TACC1: variants seen among roughly 807,000 people sequenced by gnomAD.
TACC1 encodes transforming acidic coiled-coil-containing protein 1.
TACC1 carries 48 observed loss-of-function variants against 84.4 expected under a neutral mutation model. The observed-to-expected ratio is 0.57, with a 90% CI of 0.45 to 0.72. The LOEUF is 0.72. TACC1 is among the 30% of genes least tolerant of loss of function. TACC1 has a pLI of 0.00. For missense variants in TACC1, 920 were observed against 973.0 expected (o/e 0.95, Z 0.72); for synonymous variants, 372 against 376.3 (o/e 0.99, Z 0.13).
intron 6 of TACC1, among the ~76,000 whole-genome samples, chr8:38,832,196 T>A (rs938928049): frequency 9.2e-5 from 14 of 152,208 alleles, no homozygotes; most frequent in African/African-American, 3.4e-4. Context: ...ATCAAAGTGG[T>A]TGTAAGGATA....
intron 4 of TACC1, among the ~76,000 whole-genome samples, chr8:38,826,772 T>C (rs982876677): frequency 1.3e-5 from 2 of 152,202 alleles, no homozygotes; most frequent in African/African-American, 4.8e-5. Flanking sequence ...ATTCCAGATA[T>C]TACATTCTTT....
chr8:38,783,092 ATCTATCTATCTATC>A (rs1270836813), upstream of TACC1, among the ~76,000 whole-genome samples: 21 of 113,118 alleles, frequency 1.9e-4, no homozygotes, highest in East Asian at 1.8e-3. Context: ...CTATCTATCT[ATCTATCTATCTATC>A]TATATATATA....
intron 3 of TACC1, among the ~76,000 whole-genome samples, chr8:38,770,771 C>A (rs1813450107): frequency 1.3e-5 from 2 of 152,060 alleles, no homozygotes. Flanking sequence ...GACTCCAGCG[C>A]CAGGAGTCTC....
At chr8:38,739,351 C>T (rs73676498) in intron 1 of TACC1, among the ~76,000 whole-genome samples, 66 of 152,324 alleles carry the variant, frequency 4.3e-4, no homozygotes, top group African/African-American at 1.6e-3. Flanking sequence ...GCCATTCATC[C>T]ACTCAATTGT....
chr8:38,790,560 G>T (rs927102160), intron 2 of TACC1, among the ~76,000 whole-genome samples: 1 of 152,148 alleles, frequency 6.6e-6, no homozygotes, highest in Non-Finnish European at 1.5e-5. Context: ...AAGTGGCAGC[G>T]CCAGCTTTCA....
At position 38,787,667 on chromosome 8, in the gene TACC1, G is replaced by T; in HGVS notation, c.85G>T (p.Glu29Ter). The change falls in exon 1 of 13, where the codon GAG becomes TAG. Residue 29 changes from glutamate to a stop codon, truncating the protein, a stop_gained. Transcript: ENST00000317827. LOFTEE classifies it high-confidence loss of function. ...TGCGGTACGCGGCGGGGCCGCCGGC[G>T]AGGACGAGGCTGGCGGGCCCGAGGG... The part of the protein sequence containing the change: ...WSAVRGGAAG[E>*]DEAGGPEGDP... 1 of 1,551,404 alleles carries T rather than the reference G, an allele frequency of 6.4e-7. No individual in the cohort carries two copies.
At chr8:38,731,709 T>C (rs1214530177) in intron 1 of TACC1, among the ~76,000 whole-genome samples, 2 of 151,536 alleles carry the variant, frequency 1.3e-5, no homozygotes, top group Non-Finnish European at 2.9e-5. Context: ...AGGGAAGAGC[T>C]TAGCTGTTCT....
intron 1 of TACC1, among the ~76,000 whole-genome samples, chr8:38,732,576 A>G (rs913557468): frequency 4.6e-5 from 7 of 152,200 alleles, no homozygotes; most frequent in Non-Finnish European, 7.4e-5. Flanking sequence ...GTAGAAGTAG[A>G]TGAGAAATAA....
intron 3 of TACC1, among the ~76,000 whole-genome samples, chr8:38,758,675 T>G: frequency 1.4e-5 from 1 of 71,132 alleles, no homozygotes; most frequent in Admixed American, 2.1e-4. Context: ...GGAGACTCCA[T>G]CTCAAAAAAA....
intron 3 of TACC1, among the ~76,000 whole-genome samples, chr8:38,822,294 A>AAGT (rs1827054673): frequency 6.6e-6 from 1 of 151,656 alleles, no homozygotes; most frequent in Non-Finnish European, 1.5e-5. Context: ...ACACAATGGT[A>AAGT]AGTATTTGTG....
At chr8:38,804,552 C>T (rs937873605) in intron 2 of TACC1, among the ~76,000 whole-genome samples, 9 of 152,296 alleles carry the variant, frequency 5.9e-5, no homozygotes, top group East Asian at 3.9e-4. Context: ...CCACCAACCT[C>T]GGCCTCCCAA....
intron 3 of TACC1, among the ~76,000 whole-genome samples, chr8:38,772,684 C>T (rs931835921): frequency 2.0e-5 from 3 of 151,970 alleles, no homozygotes; most frequent in Non-Finnish European, 4.4e-5. Flanking sequence ...TAAATACTCA[C>T]CTCTAGCAAA....
At chr8:38,748,987 A>G (rs1395216681) in intron 3 of TACC1, among the ~76,000 whole-genome samples, 1 of 152,160 alleles carries the variant, frequency 6.6e-6, no homozygotes, top group Admixed American at 6.5e-5. Flanking sequence ...GAGATAAAAA[A>G]ATCATTAAAA....
At chr8:38,789,130 A>G (rs1431271764) in intron 2 of TACC1, among the ~76,000 whole-genome samples, 1 of 152,228 alleles carries the variant, frequency 6.6e-6, no homozygotes, top group East Asian at 1.9e-4. Context: ...TGACTTCACA[A>G]ATTCCTCAGG....
At chr8:38,823,219 G>A (rs555036757) in intron 3 of TACC1, among the ~76,000 whole-genome samples, 1 of 152,294 alleles carries the variant, frequency 6.6e-6, no homozygotes, top group South Asian at 2.1e-4. Flanking sequence ...GCCCCGGAAT[G>A]GCTAAGGGGA....
chr8:38,827,345 A>G lies in TACC1; in HGVS notation c.1630A>G (p.Ile544Val), dbSNP rs1289702833. The stretch of plus-strand genomic sequence containing the variant: ...ATGTTCCAATGTTCCTGTGTCTACC[A>G]TAAATCATGCGTTTTCATCCTCAGA... ...FECSNVPVST[I>V]NHAFSSSEAG... The change falls in exon 5 of 13, where the codon ATA (isoleucine) becomes GTA (valine). Residue 544 changes from isoleucine to valine, a missense_variant. Ile to Val is a conservative substitution (Grantham distance 29). Around this residue, in one of 2 missense-constraint regions of TACC1, gnomAD observed 762 missense variants for 747.3 expected, o/e 1.02. Coordinates refer to ENST00000317827, the MANE Select transcript of TACC1 (RefSeq NM_006283.3). 6.2e-7 allele frequency: 1 copy of G among 1,614,106 alleles called. No homozygotes were observed. Among genetic ancestry groups the G allele is most frequent in the Admixed American group, 1.7e-5 (1 of 59,992 alleles).
rs139423562 is a variant in TACC1, at chr8:38,843,299, C to G, written c.2132C>G (p.Ala711Gly). Residue 711 changes from alanine (A) to glycine (G), a missense_variant, in exon 11 of 13, where the codon GCC (alanine) becomes GGC (glycine). Transcript: ENST00000317827. ...VLEGFKKNEE[A>G]LKKCAQDYLA... Reference sequence around the variant, plus strand: ...TTTGCTTTGGAACAGAATGAAGAAGCCTTGAAGAAATGTGCTCAGGATTAC... The same window carrying G: ...TTTGCTTTGGAACAGAATGAAGAAGGCTTGAAGAAATGTGCTCAGGATTAC... The G allele has an allele frequency of 1.7e-5, 27 of 1,592,414 alleles. No homozygotes were observed. The highest frequency in any genetic ancestry group is 1.1e-4 in the East Asian group (5 of 43,984).
chr8:38,829,598 A>G (rs1828813080), intron 5 of TACC1, among the ~76,000 whole-genome samples: 1 of 151,212 alleles, frequency 6.6e-6, no homozygotes, highest in South Asian at 2.1e-4. Flanking sequence ...GGAAGGTAAT[A>G]TTATAAACTT....
In TACC1 at chr8:38,746,310, C is replaced by G. The variant is rs1457009084; in HGVS notation, c.26+817C>G. 9.2e-5 allele frequency among the ~76,000 whole-genome samples: 14 copies of G among 152,216 alleles called. No individual in the cohort carries two copies. The East Asian group carries it at 2.7e-3, about 29-fold the overall frequency. On this transcript the variant is annotated intron_variant, in intron 3 of 14. Coordinates refer to the TACC1 transcript ENST00000518415. ...TGGAAAGCCCCCTTTTTTGGTTGCT[C>G]TTTTTCTGCTTTCAAGGTTTATATT...
Sources: gnomAD v4.1 joint callset for allele counts (sites outside exome capture counted in the v4.1 genomes callset) on GRCh38, gnomAD v4.1.1 for gene constraint, gnomAD v4.1.1 regional missense constraint, MANE v1.5 for transcripts, NCBI Gene and HGNC (gene_info 2026-07-23, HGNC 2026-07-21) for gene names.